The following PCDHGB5 variants were observed in gnomAD, a reference collection of about 807,000 sequenced individuals.
PCDHGB5 encodes protocadherin gamma subfamily B, 5, also known as protocadherin gamma-B5.
PCDHGB5 carries 48 observed loss-of-function variants against 62.9 expected under a neutral mutation model. That is an observed-to-expected ratio of 0.76 (90% CI 0.61 to 0.97). The LOEUF (loss-of-function observed/expected upper bound fraction) is 0.97. Among genes scored for constraint, PCDHGB5 ranks in the 50% least tolerant of loss-of-function variants. PCDHGB5 has a pLI of 0.00. For missense variants in PCDHGB5, 1,118 were observed against 1,198.6 expected (o/e 0.93, Z 0.99); for synonymous variants, 474 against 511.2 (o/e 0.93, Z 0.98).
chr5:141,399,527 T>C lies in PCDHGB5; in HGVS notation c.1400T>C (p.Ile467Thr), dbSNP rs781680585. ...GAAAACAACCCTCCTGGGGCCTCCA[T>C]CGCGCAAGTCTGCGCCTCGGACCTG... is the stretch of plus-strand genomic sequence containing the variant. ...VPENNPPGASIAQVCASDLDL... is the reference protein window; with the variant it reads ...VPENNPPGASTAQVCASDLDL... Residue 467 changes from isoleucine to threonine, a missense_variant, in exon 1 of 4, where the codon ATC becomes ACC. Physicochemically the swap from Ile to Thr is moderately conservative, Grantham distance 89. Around this residue, in one of 2 missense-constraint regions of PCDHGB5, gnomAD observed 1,034 missense variants for 1,029.1 expected, o/e 1.00. Transcript: ENST00000617380. The C allele has an allele frequency of 1.4e-4, 229 of 1,613,898 alleles. No homozygotes were observed. The highest frequency in any genetic ancestry group is 1.9e-4 in the Non-Finnish European group (225 of 1,179,892).
Position 141,398,868 on chromosome 5 carries a change from CAG to C in PCDHGB5, c.744_745del (p.Arg248SerfsTer20). The C allele has an allele frequency of 6.2e-7, 1 of 1,613,982 alleles. No homozygotes were observed. Among genetic ancestry groups the C allele is most frequent in the Non-Finnish European group, 8.5e-7 (1 of 1,179,908 alleles). On this transcript the variant is annotated frameshift_variant, in exon 1 of 4. Coordinates refer to ENST00000617380, the MANE Select transcript of PCDHGB5 (RefSeq NM_018925.3). LOFTEE classifies it high-confidence loss of function. The part of the protein sequence containing the change: ...NPPVFNRDVY[R>X]VSLRENVPPG... ...CCCCGGTATTCAACCGAGACGTGTA[CAG>C]AGTCAGCCTTCGGGAAAACGTGCCA...
intron 1 of PCDHGB5, chr5:141,403,609 G>A (rs1434656385): frequency 6.2e-7 from 1 of 1,613,870 alleles, no homozygotes; most frequent in South Asian, 1.1e-5. Flanking sequence ...ATGGCGGCGA[G>A]CCGCGTCGCT....
At chr5:141,434,843 G>C (rs1302739038) in intron 1 of PCDHGB5, among the ~76,000 whole-genome samples, 2 of 151,746 alleles carry the variant, frequency 1.3e-5, no homozygotes, top group African/African-American at 4.8e-5. Flanking sequence ...TTATAAAGCA[G>C]ACATCAATAA....
Position 141,477,350 on chromosome 5 carries a change from A to G in PCDHGB5, c.2398-17457A>G. The G allele has an allele frequency of 6.2e-7, 1 of 1,614,142 alleles. No individual in the cohort carries two copies. Among genetic ancestry groups the G allele is most frequent in the Non-Finnish European group, 8.5e-7 (1 of 1,180,016 alleles). On this transcript the variant is annotated intron_variant, in intron 1 of 3. Transcript: ENST00000617380. The surrounding 1 kb of genome is among the most constrained non-coding windows in gnomAD (Gnocchi z 4.9). ...CAAGAATTACTTCACTTTGAAAACC[A>G]GTGCAGACCTGGATCGGGAGACTGT...
At chr5:141,426,022 T>A (rs1174153557) in intron 1 of PCDHGB5, among the ~76,000 whole-genome samples, 3 of 152,204 alleles carry the variant, frequency 2.0e-5, no homozygotes, top group Admixed American at 2.0e-4. Flanking sequence ...GTTTTCTAAA[T>A]AGACTCAGAG....
rs925541311 is a variant in PCDHGB5 at position 141,431,452 on chromosome 5, G to C, written c.2397+30928G>C. 11 of 1,613,630 alleles carry C rather than the reference G, an allele frequency of 6.8e-6. No individual in the cohort carries two copies. The highest frequency in any genetic ancestry group is 9.3e-6 in the Non-Finnish European group (11 of 1,179,982). On this transcript the variant is annotated intron_variant, in intron 1 of 3. Transcript: ENST00000617380. The surrounding 1 kb of genome is among the most constrained non-coding windows in gnomAD (Gnocchi z 4.8). ...CAGGCACCGCGCGCATCCGCGTGAT[G>C]GTTCTGGATGCGAACGACAACGCAC...
chr5:141,463,176 C>CA (rs2099054640), intron 1 of PCDHGB5, among the ~76,000 whole-genome samples: 1 of 152,100 alleles, frequency 6.6e-6, no homozygotes, highest in African/African-American at 2.4e-5. Flanking sequence ...TATGTATGCT[C>CA]AGATTATTAT....
chr5:141,404,707 C>A, intron 1 of PCDHGB5: 1 of 1,614,122 alleles, frequency 6.2e-7, no homozygotes, highest in South Asian at 1.1e-5. Flanking sequence ...CAGAGCCTGG[C>A]TACCTGGTGA....
chr5:141,398,136 C>G lies in PCDHGB5; in HGVS notation c.9C>G (p.Ser3Arg). 1 of 1,556,004 alleles carries G rather than the reference C, an allele frequency of 6.4e-7. No homozygotes were observed. The highest frequency in any genetic ancestry group is 8.6e-7 in the Non-Finnish European group (1 of 1,156,920). The stretch of plus-strand genomic sequence containing the variant: ...TGAGGAGAGCAAGAGGGATGGGGAG[C>G]GGCGCCGGGGAGCTGGGCCGGGCTG... MG[S>R]GAGELGRAER... is the part of the protein sequence containing the mutation. Residue 3 changes from serine (S) to arginine (R), a missense_variant, in exon 1 of 4, where the codon AGC becomes AGG. Around this residue, in one of 2 missense-constraint regions of PCDHGB5, gnomAD observed 84 missense variants for 169.5 expected, o/e 0.50. Transcript: ENST00000617380.
intron 1 of PCDHGB5, chr5:141,415,752 T>TG: frequency 1.6e-5 from 22 of 1,372,540 alleles, no homozygotes; most frequent in Middle Eastern, 2.6e-4. Flanking sequence ...TTTTTTTTTT[T>TG]TTTTTTTTTT....
chr5:141,422,205 A>G (rs758255761), intron 1 of PCDHGB5: 2 of 1,562,218 alleles, frequency 1.3e-6, no homozygotes, highest in Non-Finnish European at 1.7e-6. Flanking sequence ...AAGATGGTGG[A>G]GGTCTCTTTA....
At chr5:141,506,119 G>T (rs1171566108) in intron 3 of PCDHGB5, among the ~76,000 whole-genome samples, 1 of 152,106 alleles carries the variant, frequency 6.6e-6, no homozygotes, top group African/African-American at 2.4e-5. Context: ...AGTCACTAGG[G>T]CCCAGAGCAG....
rs767580455 is a variant in PCDHGB5 at position 141,402,948 on chromosome 5, C to G, written c.2397+2424C>G. The G allele has an allele frequency of 7.5e-6, 12 of 1,592,864 alleles. No individual in the cohort carries two copies. In the African/African-American group the frequency reaches 1.2e-4, roughly 16 times the overall value. On this transcript the variant is annotated intron_variant, in intron 1 of 3. Transcript: ENST00000617380. ...CTTTTGAGAAAATTCCAAAGCGAGG[C>G]AGCAATGGCAGCTCCAACCAAATGC... is the stretch of plus-strand genomic sequence containing the variant.
rs142590218 is a variant in PCDHGB5, at chr5:141,489,982, C to T, written c.2398-4825C>T. On this transcript the variant is annotated intron_variant, in intron 1 of 3. Coordinates refer to ENST00000617380, the MANE Select transcript of PCDHGB5 (RefSeq NM_018925.3). This position sits in a 1 kb window ranked among gnomAD's most constrained non-coding sequence, Gnocchi z 4.5. ...TCCAACCTTCCAATCCTCAGTTCTA[C>T]GTGTGGGAATCCCAGAGAATGCACC... The T allele has an allele frequency of 2.9e-5, 47 of 1,614,010 alleles. No individual in the cohort carries two copies. The highest frequency in any genetic ancestry group is 3.7e-5 in the Non-Finnish European group (44 of 1,179,964).
chr5:141,503,598 CAAA>C (rs765754054), intron 2 of PCDHGB5, among the ~76,000 whole-genome samples: 9 of 65,742 alleles, frequency 1.4e-4, no homozygotes, highest in Admixed American at 3.4e-4. Context: ...GACTCCAGCT[CAAA>C]AAAAAAAAAA....
chr5:141,404,517 A>G lies in PCDHGB5; in HGVS notation c.2397+3993A>G, dbSNP rs1268035794. On this transcript the variant is annotated intron_variant, in intron 1 of 3. Transcript: ENST00000617380. The stretch of plus-strand genomic sequence containing the variant: ...CTGTATGCTCTGTGCTCCTTTGACT[A>G]TGAGCAGTTTAGAGATTTGCAAATG... 5 of 1,613,938 alleles carry G rather than the reference A, an allele frequency of 3.1e-6. No homozygotes were observed. Among genetic ancestry groups the G allele is most frequent in the Non-Finnish European group, 3.4e-6 (4 of 1,179,844 alleles).
Position 141,487,059 on chromosome 5 carries a change from G to A in PCDHGB5, c.2398-7748G>A, listed in dbSNP as rs760836605. 1.7e-5 allele frequency: 27 copies of A among 1,613,952 alleles called. No homozygotes were observed. Among genetic ancestry groups the A allele is most frequent in the Non-Finnish European group, 2.0e-5 (24 of 1,179,994 alleles). On this transcript the variant is annotated intron_variant, in intron 1 of 3. Transcript: ENST00000617380. This position sits in a 1 kb window ranked among gnomAD's most constrained non-coding sequence, Gnocchi z 5.0. ...GTCTCTCGATATGCTGGGGAGGTGC[G>A]GACGGCTGTTCCTATCCCAGCTGAC...
intron 1 of PCDHGB5, among the ~76,000 whole-genome samples, chr5:141,468,130 G>C (rs1312004369): frequency 6.6e-6 from 1 of 151,878 alleles, no homozygotes; most frequent in Admixed American, 6.6e-5. Context: ...TTTGAGACCA[G>C]CCTGGCCAAC....
chr5:141,418,018 T>C, intron 1 of PCDHGB5: 1 of 1,613,868 alleles, frequency 6.2e-7, no homozygotes, highest in Non-Finnish European at 8.5e-7. Flanking sequence ...TCGCTAAGGA[T>C]CTAGGGCTTA....
Sources: gnomAD v4.1 joint callset for allele counts (sites outside exome capture counted in the v4.1 genomes callset) on GRCh38, gnomAD v4.1.1 for gene constraint, gnomAD v4.1.1 regional missense constraint, Gnocchi (gnomAD v3.1) non-coding constraint, MANE v1.5 for transcripts, NCBI Gene and HGNC (gene_info 2026-07-23, HGNC 2026-07-21) for gene names.